Variants in WDR72 observed in about 807,000 individuals in gnomAD.
WDR72 encodes WD repeat-containing protein 72.
Under a neutral mutation model 124.2 loss-of-function variants are expected in WDR72, and 120 were observed. The observed-to-expected ratio is 0.97, with a 90% CI of 0.83 to 1.12. The LOEUF (loss-of-function observed/expected upper bound fraction) is 1.12. Ranked by LOEUF, WDR72 falls within the 50% of genes most tolerant of loss-of-function variation. WDR72 has a pLI of 0.00. For synonymous variants in WDR72, 452 were observed against 441.7 expected, an observed-to-expected ratio of 1.02 and a Z score of -0.29; for missense variants, 1,387 against 1,278.8, an observed-to-expected ratio of 1.08 and a Z score of -1.29.
At chr15:53,619,455 G>A (rs897997648) in intron 14 of WDR72, among the ~76,000 whole-genome samples, 1 of 152,026 alleles carries the variant, frequency 6.6e-6, no homozygotes, top group Non-Finnish European at 1.5e-5. Context: ...TGAAGGTGGT[G>A]TGAATTCTGA....
chr15:53,632,717 G>T (rs1004731572), intron 14 of WDR72, among the ~76,000 whole-genome samples: 3 of 152,250 alleles, frequency 2.0e-5, no homozygotes, highest in African/African-American at 7.2e-5. Context: ...CCTTGCACCG[G>T]TGTGCCCTGG....
chr15:53,547,228 G>A (rs1050335066), intron 18 of WDR72, among the ~76,000 whole-genome samples: 1 of 152,220 alleles, frequency 6.6e-6, no homozygotes, highest in South Asian at 2.1e-4. Flanking sequence ...CAAGTCCTGG[G>A]TTTAAGCGAT....
intron 12 of WDR72, 28 bp from the exon 13 acceptor site, chr15:53,699,973 GTAAA>G: frequency 6.2e-7 from 1 of 1,613,758 alleles, no homozygotes; most frequent in Non-Finnish European, 8.5e-7. Flanking sequence ...GCTTATGTAA[GTAAA>G]TAGTCAAATG....
chr15:53,676,077 A>C (rs540999677), intron 13 of WDR72, among the ~76,000 whole-genome samples: 1 of 152,214 alleles, frequency 6.6e-6, no homozygotes, highest in South Asian at 2.1e-4. Context: ...GCCACTTGTA[A>C]AATTCAATAC....
chr15:53,606,213 G>C (rs1156574073), intron 17 of WDR72, among the ~76,000 whole-genome samples: 1 of 152,132 alleles, frequency 6.6e-6, no homozygotes, highest in Non-Finnish European at 1.5e-5. Context: ...CTTCAAGTGA[G>C]AGCAATTTAA....
intron 18 of WDR72, among the ~76,000 whole-genome samples, chr15:53,556,605 C>T (rs1232462177): frequency 6.6e-6 from 1 of 151,978 alleles, no homozygotes; most frequent in Non-Finnish European, 1.5e-5. Context: ...AGTAAACTGC[C>T]CAAACTGATA....
chr15:53,668,962 A>AGC (rs2015882898), intron 13 of WDR72, among the ~76,000 whole-genome samples: 5 of 15,570 alleles, frequency 3.2e-4, no homozygotes, highest in South Asian at 5.0e-3. Context: ...GGAGGAGGAG[A>AGC]AGGAGGAGGA....
chr15:53,556,785 C>T (rs948829515), intron 18 of WDR72, among the ~76,000 whole-genome samples: 22 of 152,036 alleles, frequency 1.4e-4, no homozygotes, highest in Non-Finnish European at 2.8e-4. Context: ...TGGTTCAAAA[C>T]CTTGCATAAA....
intron 17 of WDR72, among the ~76,000 whole-genome samples, chr15:53,608,901 A>G (rs1166538325): frequency 6.6e-6 from 1 of 152,052 alleles, no homozygotes; most frequent in Non-Finnish European, 1.5e-5. Flanking sequence ...GTGCCAAAAA[A>G]TGTTAGAAAG....
At chr15:53,647,903 C>G (rs1235828904) in intron 14 of WDR72, among the ~76,000 whole-genome samples, 1 of 152,100 alleles carries the variant, frequency 6.6e-6, no homozygotes, top group Non-Finnish European at 1.5e-5. Context: ...TTAATCAATG[C>G]AACTACTGAA....
At chr15:53,603,110 C>T (rs963446001) in intron 17 of WDR72, among the ~76,000 whole-genome samples, 2 of 151,964 alleles carry the variant, frequency 1.3e-5, no homozygotes, top group African/African-American at 4.8e-5. Flanking sequence ...CAAACCAAAT[C>T]CAGCAGCATA....
At chr15:53,640,455 AG>A (rs1237170833) in intron 14 of WDR72, among the ~76,000 whole-genome samples, 4 of 152,198 alleles carry the variant, frequency 2.6e-5, no homozygotes, top group Non-Finnish European at 5.9e-5. Flanking sequence ...AAAGGACATA[AG>A]TTATCCTTAC....
chr15:53,643,660 C>T (rs526055), intron 14 of WDR72, among the ~76,000 whole-genome samples: 13,865 of 152,006 alleles, frequency 0.091, 1,606 homozygotes, highest in African/African-American at 0.27. Context: ...ACTCCTCACA[C>T]ACCTAGGGCT....
At position 53,594,627 on chromosome 15, in the gene WDR72, TA is replaced by T. The variant is rs60703765; in HGVS notation, c.3148+2451del. Among the ~76,000 whole-genome samples the T allele has an allele frequency of 6.7e-3, 953 of 141,996 alleles. 8 individuals are homozygous for T. Among genetic ancestry groups the T allele is most frequent in the Middle Eastern group, 0.026 (7 of 274 alleles). 93.2% of individuals were successfully genotyped at this position (141,996 alleles called of 152,430 possible). The stretch of plus-strand genomic sequence containing the variant: ...TCCCATCTGTACTAAAAATAAAAAT[TA>T]AAAAAAAAAAAAAACTAGCTTATAA... On this transcript the variant is annotated intron_variant, in intron 18 of 19. Coordinates refer to ENST00000360509, the MANE Select transcript of WDR72 (RefSeq NM_182758.4).
chr15:53,572,622 G>T (rs915832866), intron 18 of WDR72, among the ~76,000 whole-genome samples: 1 of 152,160 alleles, frequency 6.6e-6, no homozygotes, highest in African/African-American at 2.4e-5. Context: ...CTTTGTGGGA[G>T]ATAATGGGAT....
At chr15:53,659,238 A>C (rs1031755) in intron 14 of WDR72, among the ~76,000 whole-genome samples, 33,448 of 152,106 alleles carry the variant, frequency 0.22, 4,048 homozygotes, top group East Asian at 0.46. Flanking sequence ...GAAAATAATT[A>C]AAATCTGTTT....
intron 2 of WDR72, among the ~76,000 whole-genome samples, chr15:53,724,192 C>T (rs1380800193): frequency 1.3e-5 from 2 of 152,160 alleles, no homozygotes; most frequent in Admixed American, 6.6e-5. Flanking sequence ...AGGGTACAAA[C>T]ACTGAATTAC....
intron 18 of WDR72, among the ~76,000 whole-genome samples, chr15:53,557,936 G>A (rs1893989410): frequency 6.6e-6 from 1 of 151,974 alleles, no homozygotes; most frequent in Non-Finnish European, 1.5e-5. Context: ...AATGTATTTG[G>A]CATGTCCGTA....
chr15:53,536,557 T>C (rs1951117143), intron 18 of WDR72, among the ~76,000 whole-genome samples: 1 of 151,956 alleles, frequency 6.6e-6, no homozygotes, highest in African/African-American at 2.4e-5. Context: ...CTTGGGGAAA[T>C]ATACAAAAAA....
Sources: allele counts gnomAD v4.1 joint callset (sites outside exome capture counted in the v4.1 genomes callset), GRCh38; gene constraint gnomAD v4.1.1; transcripts MANE v1.5; gene names NCBI Gene and HGNC (gene_info 2026-07-23, HGNC 2026-07-21).